IL31RA: variants seen among roughly 807,000 people sequenced by gnomAD.
The protein encoded by IL31RA is interleukin-31 receptor subunit alpha.
IL31RA carries 66 observed loss-of-function variants against 83.7 expected under a neutral mutation model. That is an observed-to-expected ratio of 0.79 (90% CI 0.65 to 0.97). The LOEUF (loss-of-function observed/expected upper bound fraction) is 0.97. IL31RA is among the 50% of genes least tolerant of loss of function. The pLI, the probability that IL31RA is intolerant of heterozygous loss-of-function variation, is 0.00. For synonymous variants in IL31RA, 325 were observed against 329.0 expected (o/e 0.99, Z 0.13); for missense variants, 798 against 919.4 (o/e 0.87, Z 1.71).
At position 55,903,517 on chromosome 5, in the gene IL31RA, T is replaced by C. The variant is rs925056398; in HGVS notation, c.1070-2589T>C. Among the ~76,000 whole-genome samples, 2 of 152,184 alleles carry C rather than the reference T, an allele frequency of 1.3e-5. No individual in the cohort carries two copies. The highest frequency in any genetic ancestry group is 4.8e-5 in the African/African-American group (2 of 41,452). On this transcript the variant is annotated intron_variant, in intron 8 of 14. Coordinates refer to ENST00000652347, the MANE Select transcript of IL31RA (RefSeq NM_139017.7). The surrounding 1 kb of genome is among the most constrained non-coding windows in gnomAD (Gnocchi z 4.7). ...TGGAAATTCCCCTTTTGGCGCCCCT[T>C]GGTGTGGCCAGGCTTTCCCCTTTCA...
At position 55,920,703 on chromosome 5, in the gene IL31RA, TA is replaced by T. The variant is rs941707954; in HGVS notation, c.*3588del. 9.8e-5 allele frequency among the ~76,000 whole-genome samples: 15 copies of T among 152,310 alleles called. No homozygotes were observed. The highest frequency in any genetic ancestry group is 3.4e-4 in the African/African-American group (14 of 41,550). The stretch of plus-strand genomic sequence containing the variant: ...TTTCAACTTTGAATTAGCTGCAAAT[TA>T]AAAAGAAATCAGGATATGTCATTCT... On this transcript the variant is annotated 3_prime_UTR_variant, in exon 15 of 15. Coordinates refer to ENST00000652347, the MANE Select transcript of IL31RA (RefSeq NM_139017.7).
At chr5:55,879,161 G>T (rs901967621) in intron 4 of IL31RA, among the ~76,000 whole-genome samples, 2 of 152,054 alleles carry the variant, frequency 1.3e-5, no homozygotes, top group African/African-American at 4.8e-5. Flanking sequence ...CGTTTAGTCT[G>T]CCCTCAGACA....
intron 1 of IL31RA, among the ~76,000 whole-genome samples, chr5:55,857,316 G>C (rs1261401220): frequency 6.6e-6 from 1 of 152,056 alleles, no homozygotes; most frequent in Non-Finnish European, 1.5e-5. Context: ...GCTCAGGCTG[G>C]TCTTGAACTC....
intron 4 of IL31RA, among the ~76,000 whole-genome samples, chr5:55,874,883 T>C (rs1746740444): frequency 6.6e-6 from 1 of 152,174 alleles, no homozygotes; most frequent in African/African-American, 2.4e-5. Context: ...AGTTGCCTTG[T>C]CTAGAACTTT....
Position 55,920,090 on chromosome 5 carries a change from A to G in IL31RA, c.*2970A>G, listed in dbSNP as rs1023559774. Among the ~76,000 whole-genome samples the G allele has an allele frequency of 6.6e-6, 1 of 152,272 alleles. No individual in the cohort carries two copies. The highest frequency in any genetic ancestry group is 1.5e-5 in the Non-Finnish European group (1 of 68,048). ...AGAAACCAGTCTGTGGCTTAAATAA[A>G]AAGACCACAAGTTCCTTCTGGTGTC... On this transcript the variant is annotated 3_prime_UTR_variant, in exon 15 of 15. Transcript: ENST00000652347.
intron 5 of IL31RA, among the ~76,000 whole-genome samples, 165 bp downstream of exon 5, chr5:55,883,360 C>A (rs1747380388): frequency 6.6e-6 from 1 of 152,134 alleles, no homozygotes; most frequent in Admixed American, 6.5e-5. Context: ...CCATCTGGAC[C>A]TTTTAGATTG....
At chr5:55,916,592 G>A in intron 14 of IL31RA, 52 bp from the exon 15 acceptor site, 1 of 1,504,348 alleles carries the variant, frequency 6.6e-7, no homozygotes, top group Non-Finnish European at 9.3e-7. Flanking sequence ...TTTTGGCTAT[G>A]TCATATGTGA....
intron 2 of IL31RA, among the ~76,000 whole-genome samples, chr5:55,860,301 G>A (rs10051499): frequency 0.61 from 92,868 of 151,790 alleles, 29,416 homozygotes; most frequent in South Asian, 0.72. Flanking sequence ...CCTGGGAGGC[G>A]GAGGTTGCAG....
At chr5:55,896,994 AAAAAAAATATATATAT>A (rs1748422089) in intron 7 of IL31RA, among the ~76,000 whole-genome samples, 1 of 352 alleles carries the variant, frequency 2.8e-3, no homozygotes, top group Non-Finnish European at 0.01. Context: ...TTAAAAAAAA[AAAAAAAATATATATAT>A]ATATATTTTT....
intron 1 of IL31RA, among the ~76,000 whole-genome samples, chr5:55,856,731 T>G (rs1442740587): frequency 6.6e-6 from 1 of 152,214 alleles, no homozygotes; most frequent in Non-Finnish European, 1.5e-5. Flanking sequence ...GTGGCTGCCC[T>G]GTCAGAGTCT....
At chr5:55,844,834 C>G in the IL31RA span, among the ~76,000 whole-genome samples, 6 of 152,030 alleles carry the variant, frequency 3.9e-5, no homozygotes, top group Admixed American at 1.3e-4. Context: ...TTCCACTTTG[C>G]AAGTTTCCAT....
intron 6 of IL31RA, among the ~76,000 whole-genome samples, chr5:55,893,278 T>G (rs1748128785): frequency 6.6e-6 from 1 of 152,248 alleles, no homozygotes; most frequent in South Asian, 2.1e-4. Flanking sequence ...ATTAGTAACA[T>G]TATTGCTGTA....
intron 4 of IL31RA, among the ~76,000 whole-genome samples, chr5:55,877,936 T>G (rs978700372): frequency 1.3e-5 from 2 of 152,042 alleles, no homozygotes; most frequent in Non-Finnish European, 2.9e-5. Flanking sequence ...CTCTCTCTCT[T>G]CTCTTTCAGA....
At chr5:55,905,993 G>T in intron 8 of IL31RA, 113 bp from the exon 9 acceptor site, 3 of 1,039,930 alleles carry the variant, frequency 2.9e-6, no homozygotes, top group Non-Finnish European at 4.6e-6. Context: ...CTGCAGTGGA[G>T]ATCCTGAACT....
chr5:55,848,744 G>A (rs1412452700), upstream of IL31RA, among the ~76,000 whole-genome samples: 1 of 152,108 alleles, frequency 6.6e-6, no homozygotes, highest in Non-Finnish European at 1.5e-5. Context: ...CCACTAACAA[G>A]GTGTGAGATG....
intron 2 of IL31RA, among the ~76,000 whole-genome samples, chr5:55,867,337 A>T (rs1412748637): frequency 6.9e-6 from 1 of 144,182 alleles, no homozygotes; most frequent in Non-Finnish European, 1.5e-5. Flanking sequence ...GTGTGTGTGT[A>T]TGTTTAGGAT....
intron 11 of IL31RA, chr5:55,908,815 T>G: frequency 1.4e-6 from 2 of 1,398,972 alleles, no homozygotes; most frequent in Non-Finnish European, 9.3e-7. Flanking sequence ...TCAGTCCACC[T>G]TATCTCCTGA....
rs1009639 is a variant in IL31RA at position 55,859,574 on chromosome 5, C to T, written c.129C>T (p.Pro43=). The change falls in exon 2 of 15, where the codon CCC becomes CCT. Residue 43 remains proline, a synonymous_variant. Transcript: ENST00000652347. ...MMWTWALWML[P]SLCKFSLAAL... ...GGACCTGGGCACTGTGGATGCTCCC[C>T]TCACTCTGCAAATTCAGCCTGGCAG... The T allele has an allele frequency of 0.72, 1,155,611 of 1,612,148 alleles. 418,680 individuals carry two copies. The highest frequency in any genetic ancestry group is 0.78 in the South Asian group (71,057 of 91,034).
Position 55,917,349 on chromosome 5 carries a change from T to C in IL31RA, c.*229T>C. The stretch of plus-strand genomic sequence containing the variant: ...GTTTTGTAAAGGAACAGCAGTCTCT[T>C]TTCGTTTGTTCAGATACCAAGCTCT... On this transcript the variant is annotated 3_prime_UTR_variant, in exon 15 of 15. Coordinates refer to ENST00000652347, the MANE Select transcript of IL31RA (RefSeq NM_139017.7). 1 of 1,400,032 alleles carries C rather than the reference T, an allele frequency of 7.1e-7. No homozygotes were observed. Among genetic ancestry groups the C allele is most frequent in the Middle Eastern group, 2.7e-4 (1 of 3,706 alleles). 86.7% of individuals were successfully genotyped at this position (1,400,032 alleles called of 1,614,324 possible).
Sources: allele counts gnomAD v4.1 joint callset (sites outside exome capture counted in the v4.1 genomes callset), GRCh38; gene constraint gnomAD v4.1.1; non-coding constraint Gnocchi (gnomAD v3.1); transcripts MANE v1.5; gene names NCBI Gene and HGNC (gene_info 2026-07-23, HGNC 2026-07-21).